The following NRXN3 variants were observed in gnomAD, a reference collection of about 807,000 sequenced individuals.
NRXN3 encodes the protein neurexin 3, also known as neurexin III.
In NRXN3, 32 loss-of-function variants were observed where a neutral mutation model predicts 137.6. That is an observed-to-expected ratio of 0.23 (90% CI 0.18 to 0.31). The LOEUF is 0.31. Ranked by LOEUF, NRXN3 falls within the 10% of genes least tolerant of loss-of-function variation. NRXN3 has a pLI of 1.00. For missense variants in NRXN3, 1,574 were observed against 2,062.5 expected, an observed-to-expected ratio of 0.76 and a Z score of 4.59; for synonymous variants, 798 against 784.5, an observed-to-expected ratio of 1.02 and a Z score of -0.29.
chr14:79,296,460 ACC>A (rs1323343463), intron 15 of NRXN3, among the ~76,000 whole-genome samples: 1 of 151,668 alleles, frequency 6.6e-6, no homozygotes, highest in Non-Finnish European at 1.5e-5. Flanking sequence ...AAAAAAAAAA[ACC>A]AGATGTTCCA....
At chr14:78,353,389 G>T (rs969147152) in intron 4 of NRXN3, among the ~76,000 whole-genome samples, 6 of 152,188 alleles carry the variant, frequency 3.9e-5, no homozygotes, top group African/African-American at 1.4e-4. Context: ...AGCAGATTCT[G>T]TGTCTGGTGA....
intron 10 of NRXN3, among the ~76,000 whole-genome samples, chr14:78,937,115 G>A (rs574676445): frequency 2.0e-5 from 3 of 150,666 alleles, no homozygotes; most frequent in Admixed American, 6.6e-5. Flanking sequence ...CCAGCTACTC[G>A]GGAGGCTGAG....
chr14:78,967,190 T>G lies in NRXN3; in HGVS notation c.2778-18T>G, dbSNP rs1031697146. On this transcript the variant is annotated intron_variant, in intron 12 of 20. Coordinates refer to ENST00000335750, the MANE Select transcript of NRXN3 (RefSeq NM_001330195.2). ...CGGGGATTTTCCAATTATTGTTTTT[T>G]TTTTTTTTTCTTCCTAGGTATATAC... 2 of 1,583,916 alleles carry G rather than the reference T, an allele frequency of 1.3e-6. No individual in the cohort carries two copies. The highest frequency in any genetic ancestry group is 1.4e-5 in the African/African-American group (1 of 73,018).
intron 16 of NRXN3, among the ~76,000 whole-genome samples, chr14:79,503,651 T>A (rs1302907765): frequency 1.3e-5 from 2 of 152,202 alleles, no homozygotes; most frequent in African/African-American, 4.8e-5. Flanking sequence ...TTTACTGATG[T>A]CCCTGTGACA....
At chr14:78,564,396 G>A (rs8018456) in intron 4 of NRXN3, among the ~76,000 whole-genome samples, 31,432 of 152,082 alleles carry the variant, frequency 0.21, 5,839 homozygotes, top group African/African-American at 0.5. Flanking sequence ...CTATCTCTAG[G>A]TAGGACTGGG....
chr14:78,957,373 T>C lies in NRXN3; in HGVS notation c.2395+12T>C, dbSNP rs200204128. ...TGATGTGGCTGAGGGTGAGTATGAC[T>C]ATGGTGAAATTCGTCTGTCTTTTCT... On this transcript the variant is annotated intron_variant, in intron 11 of 20. Transcript: ENST00000335750. 1,291 of 1,605,424 alleles carry C rather than the reference T, an allele frequency of 8.0e-4. 16 individuals are homozygous for C. Among genetic ancestry groups the C allele is most frequent in the South Asian group, 4.6e-3 (418 of 90,604 alleles).
chr14:79,253,196 C>G (rs1488262518), intron 15 of NRXN3, among the ~76,000 whole-genome samples: 1 of 152,120 alleles, frequency 6.6e-6, no homozygotes, highest in African/African-American at 2.4e-5. Flanking sequence ...AAGAAAGAAT[C>G]CTGTCACTTG....
rs1201726688 is a variant in NRXN3 at position 78,235,782 on chromosome 14, G to A, written c.-703-6609G>A. ...TCTTTTTCCTAAAGGGTAAGGCTTGGTGACTAAGACTAGGATCAGCTCCGC... is the reference window on the plus strand; with the variant it reads ...TCTTTTTCCTAAAGGGTAAGGCTTGATGACTAAGACTAGGATCAGCTCCGC... On this transcript the variant is annotated intron_variant, in intron 1 of 20. Transcript: ENST00000335750. Among the ~76,000 whole-genome samples, 5 of 152,158 alleles carry A rather than the reference G, an allele frequency of 3.3e-5. No homozygotes were observed. The East Asian group carries it at 9.6e-4, about 29-fold the overall frequency.
chr14:79,474,082 A>G (rs2096538730), intron 16 of NRXN3, among the ~76,000 whole-genome samples: 2 of 152,154 alleles, frequency 1.3e-5, no homozygotes, highest in South Asian at 4.1e-4. Flanking sequence ...CATAGTAGAA[A>G]GATGTGCTTA....
intron 4 of NRXN3, among the ~76,000 whole-genome samples, chr14:78,521,766 G>A (rs2096287682): frequency 6.6e-6 from 1 of 152,074 alleles, no homozygotes; most frequent in Admixed American, 6.5e-5. Context: ...TGTGAGTAGA[G>A]CTTATCTGTA....
At chr14:78,894,602 C>T (rs2099168225) in intron 10 of NRXN3, among the ~76,000 whole-genome samples, 1 of 151,902 alleles carries the variant, frequency 6.6e-6, no homozygotes, top group African/African-American at 2.4e-5. Context: ...AAACTTCTCC[C>T]ATGAATCACG....
intron 19 of NRXN3, among the ~76,000 whole-genome samples, chr14:79,776,422 C>T (rs1021996799): frequency 6.6e-6 from 1 of 152,142 alleles, no homozygotes; most frequent in Admixed American, 6.5e-5. Context: ...AATGAGGCCA[C>T]AAGGCTCTGT....
At chr14:79,233,477 C>G (rs1260897808) in intron 15 of NRXN3, among the ~76,000 whole-genome samples, 1 of 152,096 alleles carries the variant, frequency 6.6e-6, no homozygotes, top group Non-Finnish European at 1.5e-5. Flanking sequence ...GTCTTTATAT[C>G]ATGCGGGCTT....
At chr14:78,340,127 G>A (rs150409036) in intron 4 of NRXN3, among the ~76,000 whole-genome samples, 10 of 152,246 alleles carry the variant, frequency 6.6e-5, no homozygotes, top group South Asian at 4.1e-4. Flanking sequence ...GGAAATATCC[G>A]TTCATCAAAA....
chr14:78,637,980 C>G (rs974812221), intron 4 of NRXN3, among the ~76,000 whole-genome samples: 2 of 152,192 alleles, frequency 1.3e-5, no homozygotes, highest in Non-Finnish European at 2.9e-5. Context: ...GACAGCAATT[C>G]AGTCTTTAGG....
At chr14:79,379,227 G>T (rs974318079) in intron 15 of NRXN3, among the ~76,000 whole-genome samples, 8 of 152,162 alleles carry the variant, frequency 5.3e-5, no homozygotes, top group South Asian at 2.1e-4. Context: ...TGAGTATACT[G>T]TATAGTCCCT....
intron 4 of NRXN3, among the ~76,000 whole-genome samples, chr14:78,538,941 G>A (rs545381377): frequency 3.1e-4 from 47 of 152,300 alleles, no homozygotes; most frequent in Admixed American, 2.8e-3. Context: ...TCTTGAACCA[G>A]TCTTGCATCC....
chr14:79,697,794 C>T lies in NRXN3; in HGVS notation c.3871C>T (p.Arg1291Trp), dbSNP rs370354082. 1.4e-5 allele frequency: 22 copies of T among 1,612,954 alleles called. No homozygotes were observed. The highest frequency in any genetic ancestry group is 3.3e-5 in the Admixed American group (2 of 59,876). Residue 1291 changes from arginine (R) to tryptophan (W), a missense_variant, in exon 19 of 21, where the codon CGG becomes TGG. Coordinates refer to ENST00000335750, the MANE Select transcript of NRXN3 (RefSeq NM_001330195.2). ...CAATATTAAAATCAATGGAAGTGTT[C>T]GGCTGGTTGGAGAAGTCCCATCAAT... is the stretch of plus-strand genomic sequence containing the variant. ...NPNIKINGSV[R>W]LVGEVPSILG...
At chr14:79,221,602 TG>T (rs1483714594) in intron 15 of NRXN3, among the ~76,000 whole-genome samples, 1 of 152,190 alleles carries the variant, frequency 6.6e-6, no homozygotes, top group African/African-American at 2.4e-5. Flanking sequence ...TGGGGTTGTT[TG>T]TTTTTTTCTT....
Sources: allele counts gnomAD v4.1 joint callset (sites outside exome capture counted in the v4.1 genomes callset), GRCh38; gene constraint gnomAD v4.1.1; transcripts MANE v1.5; gene names NCBI Gene and HGNC (gene_info 2026-07-23, HGNC 2026-07-21).